The following RGS7BP variants were observed in gnomAD, a reference collection of about 807,000 sequenced individuals.
RGS7BP encodes the protein regulator of G protein signaling 7 binding protein.
A neutral mutation model predicts 31.3 loss-of-function variants in RGS7BP; 9 were observed. The observed-to-expected ratio is 0.29, with a 90% CI of 0.17 to 0.50. The LOEUF is 0.50. RGS7BP is among the 20% of genes least tolerant of loss of function. RGS7BP has a pLI of 0.98. For missense variants in RGS7BP, 274 were observed against 322.0 expected (o/e 0.85, Z 1.14); for synonymous variants, 115 against 120.1 (o/e 0.96, Z 0.28).
In RGS7BP at chr5:64,611,709, T is replaced by C. The variant is rs796079262; in HGVS notation, c.*2457T>C. 3.9e-5 allele frequency: 6 copies of C among 152,396 alleles called. No homozygotes were observed. The highest frequency in any genetic ancestry group is 1.4e-4 in the African/African-American group (6 of 41,516). 9.4% of individuals were successfully genotyped at this position (152,396 alleles called of 1,614,324 possible). A position where few individuals can be genotyped will look rare whatever the true frequency, so the allele number is the denominator to read the frequency against. ...TAAACTCCAAGATCTAAAGATCCTCTTTCAGTAGCATATACTAAAATTAAG... is the reference window on the plus strand; with the variant it reads ...TAAACTCCAAGATCTAAAGATCCTCCTTCAGTAGCATATACTAAAATTAAG... On this transcript the variant is annotated 3_prime_UTR_variant, in exon 6 of 6. Coordinates refer to ENST00000334025, the MANE Select transcript of RGS7BP (RefSeq NM_001029875.3).
intron 5 of RGS7BP, among the ~76,000 whole-genome samples, chr5:64,605,759 G>A (rs1290957878): frequency 6.6e-6 from 1 of 151,892 alleles, no homozygotes; most frequent in African/African-American, 2.4e-5. Context: ...TTAATAGGCA[G>A]CCTGACCTTT....
chr5:64,608,280 C>T (rs1200590875), intron 5 of RGS7BP, among the ~76,000 whole-genome samples: 1 of 152,014 alleles, frequency 6.6e-6, no homozygotes, highest in Non-Finnish European at 1.5e-5. Flanking sequence ...TTCTACCCAC[C>T]TTCTCTTTTG....
chr5:64,568,254 A>G (rs1742217281), intron 2 of RGS7BP, among the ~76,000 whole-genome samples: 1 of 152,120 alleles, frequency 6.6e-6, no homozygotes, highest in Non-Finnish European at 1.5e-5. Flanking sequence ...AGACTCTATC[A>G]GTCGCAGGCC....
At chr5:64,525,180 C>T (rs980143398) in intron 2 of RGS7BP, among the ~76,000 whole-genome samples, 3 of 151,938 alleles carry the variant, frequency 2.0e-5, no homozygotes, top group African/African-American at 7.3e-5. Flanking sequence ...AAATAGAAGC[C>T]CCCAAGCAGA....
intron 5 of RGS7BP, among the ~76,000 whole-genome samples, chr5:64,602,708 A>G (rs1333770077): frequency 6.6e-6 from 1 of 152,164 alleles, no homozygotes; most frequent in Non-Finnish European, 1.5e-5. Flanking sequence ...CAACTATTAC[A>G]TATGCAGACA....
At chr5:64,530,764 T>C (rs1400132663) in intron 2 of RGS7BP, among the ~76,000 whole-genome samples, 2 of 150,934 alleles carry the variant, frequency 1.3e-5, no homozygotes, top group Non-Finnish European at 1.5e-5. Context: ...GGTTTTTTCT[T>C]TTTTTTTTGC....
At chr5:64,558,903 T>C in intron 2 of RGS7BP, among the ~76,000 whole-genome samples, 1 of 152,180 alleles carries the variant, frequency 6.6e-6, no homozygotes, top group Non-Finnish European at 1.5e-5. Flanking sequence ...CCAGGCTTGC[T>C]AGGATTAGGA....
intron 5 of RGS7BP, among the ~76,000 whole-genome samples, chr5:64,603,745 G>A (rs1176171635): frequency 1.3e-5 from 2 of 152,142 alleles, no homozygotes; most frequent in Non-Finnish European, 2.9e-5. Context: ...AGGAGGAGGG[G>A]AAGTGAATGG....
intron 3 of RGS7BP, among the ~76,000 whole-genome samples, chr5:64,581,168 A>C (rs542038879): frequency 6.6e-6 from 1 of 152,260 alleles, no homozygotes; most frequent in Non-Finnish European, 1.5e-5. Flanking sequence ...AGCCAAGATC[A>C]CACCACTGCA....
chr5:64,575,809 G>T lies in RGS7BP; in HGVS notation c.368G>T (p.Arg123Leu). The change falls in exon 3 of 6, where the codon CGG (arginine) becomes CTG (leucine). Residue 123 changes from arginine to leucine, a missense_variant. Transcript: ENST00000334025. ...GGTGAGATCCATCCAGAAATCTGTCGGCTTTACATCCAGCTGCAGTGCTGC... is the reference window on the plus strand; with the variant it reads ...GGTGAGATCCATCCAGAAATCTGTCTGCTTTACATCCAGCTGCAGTGCTGC... ...EDGEIHPEICRLYIQLQCCLE... is the reference protein window; with the variant it reads ...EDGEIHPEICLLYIQLQCCLE... The T allele has an allele frequency of 6.2e-7, 1 of 1,611,718 alleles. No individual in the cohort carries two copies. The highest frequency in any genetic ancestry group is 1.1e-5 in the South Asian group (1 of 90,780).
At chr5:64,508,475 C>A (rs1032430057) in intron 2 of RGS7BP, among the ~76,000 whole-genome samples, 2 of 152,118 alleles carry the variant, frequency 1.3e-5, no homozygotes, top group Non-Finnish European at 2.9e-5. Flanking sequence ...TTTTGTCCCC[C>A]AAATTTTTAT....
intron 2 of RGS7BP, among the ~76,000 whole-genome samples, chr5:64,517,055 G>A (rs565254977): frequency 1.0e-4 from 15 of 149,978 alleles, no homozygotes; most frequent in East Asian, 1.9e-4. Flanking sequence ...TGGGCAATTC[G>A]GAACTGGTAC....
chr5:64,539,609 G>A (rs2111806168), intron 2 of RGS7BP: 1 of 152,242 alleles, frequency 6.6e-6, no homozygotes, highest in South Asian at 2.1e-4. Flanking sequence ...CCTATCAGGT[G>A]TCTGTACTAA....
At chr5:64,557,618 G>T (rs556940326) in intron 2 of RGS7BP, among the ~76,000 whole-genome samples, 1 of 152,270 alleles carries the variant, frequency 6.6e-6, no homozygotes, top group East Asian at 1.9e-4. Flanking sequence ...GATGTGAGCA[G>T]GAACATGACT....
chr5:64,607,086 C>A (rs912789107), intron 5 of RGS7BP, among the ~76,000 whole-genome samples: 1 of 152,032 alleles, frequency 6.6e-6, no homozygotes, highest in Non-Finnish European at 1.5e-5. Context: ...CATAGTGCAA[C>A]ATTCCAAGGA....
At chr5:64,555,780 T>C (rs965318209) in intron 2 of RGS7BP, among the ~76,000 whole-genome samples, 3 of 152,104 alleles carry the variant, frequency 2.0e-5, no homozygotes, top group African/African-American at 7.2e-5. Context: ...AATGTCAAAA[T>C]TTAAAAACAT....
chr5:64,541,845 T>A (rs894909192), intron 2 of RGS7BP, among the ~76,000 whole-genome samples: 4 of 152,194 alleles, frequency 2.6e-5, no homozygotes, highest in Non-Finnish European at 4.4e-5. Flanking sequence ...TGTCTACCAA[T>A]CCTATCTCTG....
At chr5:64,509,812 T>C (rs1460325443) in intron 2 of RGS7BP, among the ~76,000 whole-genome samples, 1 of 152,158 alleles carries the variant, frequency 6.6e-6, no homozygotes, top group African/African-American at 2.4e-5. Flanking sequence ...TCTTAGAGCC[T>C]TGCCAAAGGA....
intron 4 of RGS7BP, among the ~76,000 whole-genome samples, chr5:64,596,108 C>G (rs1159345402): frequency 6.6e-6 from 1 of 152,150 alleles, no homozygotes; most frequent in Admixed American, 6.6e-5. Flanking sequence ...TCAGTGAAAC[C>G]ATTTTACTTT....
Sources: allele counts gnomAD v4.1 joint callset (sites outside exome capture counted in the v4.1 genomes callset), GRCh38; gene constraint gnomAD v4.1.1; transcripts MANE v1.5; gene names NCBI Gene and HGNC (gene_info 2026-07-23, HGNC 2026-07-21).